The following SOD2 variants were observed in gnomAD, a reference collection of about 807,000 sequenced individuals.
The protein encoded by SOD2 is superoxide dismutase 2, also known as superoxide dismutase [Mn], mitochondrial.
SOD2 carries 11 observed loss-of-function variants against 27.0 expected under a neutral mutation model. The observed-to-expected ratio is 0.41, with a 90% CI of 0.26 to 0.67. The LOEUF (loss-of-function observed/expected upper bound fraction) is 0.67, where lower values mean the gene tolerates loss of function less well. Ranked by LOEUF, SOD2 falls within the 30% of genes least tolerant of loss-of-function variation. The pLI, the probability that SOD2 is intolerant of heterozygous loss-of-function variation, is 0.34. For synonymous variants in SOD2, 105 were observed against 103.0 expected (o/e 1.02, Z -0.12); for missense variants, 250 against 274.5 (o/e 0.91, Z 0.63).
chr6:159,754,384 TA>T lies in SOD2; in HGVS notation c.-335-5709del, dbSNP rs1489586556. ...CACTATCCTTAAGGATCAGACTTGC[TA>T]TGGAACTAAGGCACTGGATCAGGAA... On this transcript the variant is annotated intron_variant, in intron 1 of 7. Coordinates refer to the SOD2 transcript ENST00000546087. 5.9e-5 allele frequency among the ~76,000 whole-genome samples: 9 copies of T among 152,174 alleles called. No homozygotes were observed. In the East Asian group the frequency reaches 7.7e-4, roughly 13 times the overall value.
upstream of SOD2, among the ~76,000 whole-genome samples, chr6:159,728,125 A>T (rs774636802): frequency 4.6e-5 from 7 of 152,246 alleles, no homozygotes; most frequent in Admixed American, 4.6e-4. Flanking sequence ...CCTACATTTC[A>T]TGTCACGCAG....
exon 1 of SOD2, chr6:159,727,168 G>C (rs1778220806): frequency 1.7e-6 from 2 of 1,200,580 alleles, no homozygotes; most frequent in African/African-American, 3.2e-5. Context: ...GCTCGCGCCA[G>C]GCTCCTGGGA....
chr6:159,716,821 A>G (rs1308494463), intron 1 of SOD2, among the ~76,000 whole-genome samples: 3 of 151,396 alleles, frequency 2.0e-5, no homozygotes, highest in African/African-American at 7.2e-5. Flanking sequence ...TTCCAGTAGC[A>G]CACTTGTTGA....
intron 1 of SOD2, among the ~76,000 whole-genome samples, chr6:159,716,410 G>A (rs1414379307): frequency 6.6e-6 from 1 of 152,162 alleles, no homozygotes; most frequent in Non-Finnish European, 1.5e-5. Context: ...ATAGGTGCAA[G>A]CAGCACAGCC....
At chr6:159,748,211 G>A (rs1289335531), upstream of SOD2, 1 of 1,613,948 alleles carries the variant, frequency 6.2e-7, no homozygotes, top group Non-Finnish European at 8.5e-7. The surrounding 1 kb of genome is among the most constrained non-coding windows in gnomAD (Gnocchi z 5.6). Context: ...AGTACCTCAA[G>A]CAAGTCCAGC....
chr6:159,707,800 C>A (rs1213326063), intron 1 of SOD2, among the ~76,000 whole-genome samples: 9 of 152,118 alleles, frequency 5.9e-5, no homozygotes, highest in Non-Finnish European at 1.3e-4. Flanking sequence ...CAAAGCCTGG[C>A]AGAGACACAA....
chr6:159,688,135 C>T lies in SOD2; in HGVS notation c.334G>A (p.Glu112Lys). 1 of 1,598,896 alleles carries T rather than the reference C, an allele frequency of 6.3e-7. No homozygotes were observed. Among genetic ancestry groups the T allele is most frequent in the Non-Finnish European group, 8.6e-7 (1 of 1,166,114 alleles). ...ACCAATATATACCAACCTTTGGGTTCTCCACCACCGTTAGGGCTGAGGTTT... is the reference window on the plus strand; with the variant it reads ...ACCAATATATACCAACCTTTGGGTTTTCCACCACCGTTAGGGCTGAGGTTT... ...WTNLSPNGGGEPKGELLEAIK... is the reference protein window; with the variant it reads ...WTNLSPNGGGKPKGELLEAIK... The change falls in exon 3 of 5, where the codon GAA becomes AAA. Residue 112 changes from glutamate to lysine, a missense_variant. Physicochemically the swap from Glu to Lys is moderately conservative, Grantham distance 56. Coordinates refer to ENST00000538183, the MANE Select transcript of SOD2 (RefSeq NM_000636.4).
At position 159,761,425 on chromosome 6, in the gene SOD2, C is replaced by G. The variant is rs1780121398; in HGVS notation, c.-724G>C. 4 of 427,282 alleles carry G rather than the reference C, an allele frequency of 9.4e-6. No homozygotes were observed. The Admixed American group carries it at 1.1e-4, about 12-fold the overall frequency. 26.5% of individuals were successfully genotyped at this position (427,282 alleles called of 1,614,324 possible). A position where few individuals can be genotyped will look rare whatever the true frequency, so the allele number is the denominator to read the frequency against. On this transcript the variant is annotated 5_prime_UTR_variant, in exon 1 of 8. Transcript: ENST00000546087. ...CTAAGACGCTCCCGGCGTCCTCACC[C>G]GTTCACAGCCAGAGTTGATCTTAGA...
intron 1 of SOD2, among the ~76,000 whole-genome samples, chr6:159,744,456 T>C (rs1055381718): frequency 6.6e-6 from 1 of 152,204 alleles, no homozygotes; most frequent in African/African-American, 2.4e-5. Context: ...AGAAGTCTTC[T>C]TATGTGTTAT....
chr6:159,751,097 A>AT (rs1314129152), intron 1 of SOD2, among the ~76,000 whole-genome samples: 1 of 152,130 alleles, frequency 6.6e-6, no homozygotes, highest in African/African-American at 2.4e-5. Context: ...GAATGGGTTG[A>AT]TTTTTTTGTT....
At position 159,680,258 on chromosome 6, in the gene SOD2, T is replaced by C. The variant is rs1779888506; in HGVS notation, c.*2235A>G. ...GCTCATCTTTCAAAAGGTTCCACCT[T>C]GCCCGTCTATTTAAACAGTCACGAC... On this transcript the variant is annotated 3_prime_UTR_variant, in exon 5 of 5. Transcript: ENST00000538183. The C allele has an allele frequency of 6.6e-6, 1 of 152,214 alleles. No individual in the cohort carries two copies. The highest frequency in any genetic ancestry group is 1.5e-5 in the Non-Finnish European group (1 of 68,034). 9.4% of individuals were successfully genotyped at this position (152,214 alleles called of 1,614,324 possible). A position where few individuals can be genotyped will look rare whatever the true frequency, so the allele number is the denominator to read the frequency against.
chr6:159,707,144 T>C (rs1777642605), intron 1 of SOD2, among the ~76,000 whole-genome samples: 1 of 152,020 alleles, frequency 6.6e-6, no homozygotes, highest in African/African-American at 2.4e-5. Flanking sequence ...TTTATAGCAC[T>C]AAATGCCCAC....
At chr6:159,742,227 A>C in intron 1 of SOD2, 1 of 1,224,292 alleles carries the variant, frequency 8.2e-7, no homozygotes, top group Non-Finnish European at 1.2e-6. Context: ...GTTTTTATTA[A>C]AGCAAATGTA....
chr6:159,740,623 G>C (rs1779194097), intron 1 of SOD2, among the ~76,000 whole-genome samples: 1 of 151,798 alleles, frequency 6.6e-6, no homozygotes, highest in African/African-American at 2.4e-5. Context: ...TAAAAATAAA[G>C]CATGGCCTTG....
intron 1 of SOD2, 105 bp downstream of exon 1, chr6:159,693,040 G>T: frequency 6.8e-7 from 1 of 1,473,448 alleles, no homozygotes; most frequent in Non-Finnish European, 9.0e-7. Context: ...AGGTGCCCCG[G>T]TCCCGCCAGG....
At chr6:159,753,216 T>G in intron 1 of SOD2, 1 of 497,168 alleles carries the variant, frequency 2.0e-6, no homozygotes. Flanking sequence ...TGATTATTGA[T>G]GTAATAGAAA....
At position 159,692,791 on chromosome 6, in the gene SOD2, G is replaced by A. The variant is rs1322321316; in HGVS notation, c.96C>T (p.Pro32=). The A allele has an allele frequency of 1.2e-6, 2 of 1,614,002 alleles. No individual in the cohort carries two copies. Among genetic ancestry groups the A allele is most frequent in the East Asian group, 4.5e-5 (2 of 44,892 alleles). The stretch of plus-strand genomic sequence containing the variant: ...GAGGTTCCAGGGCGCCGTAGTCGTA[G>A]GGCAGGTCGGGGAGGCTGTGCTTCT... ...SRQKHSLPDL[P]YDYGALEPHI... The change falls in exon 2 of 5, where the codon CCC becomes CCT. Residue 32 remains proline, a synonymous_variant. Transcript: ENST00000538183.
At chr6:159,693,821 C>T (rs1777359860), upstream of SOD2, among the ~76,000 whole-genome samples, 1 of 152,238 alleles carries the variant, frequency 6.6e-6, no homozygotes, top group South Asian at 2.1e-4. Flanking sequence ...GTATTCAGTA[C>T]TCTTGCGCCG....
intron 1 of SOD2, among the ~76,000 whole-genome samples, chr6:159,701,906 G>A (rs927305943): frequency 2.6e-5 from 4 of 152,122 alleles, no homozygotes; most frequent in African/African-American, 4.8e-5. Context: ...CACCCACCCC[G>A]TCAGCCCAAG....
Sources: gnomAD v4.1 joint callset for allele counts (sites outside exome capture counted in the v4.1 genomes callset) on GRCh38, gnomAD v4.1.1 for gene constraint, Gnocchi (gnomAD v3.1) non-coding constraint, MANE v1.5 for transcripts, NCBI Gene and HGNC (gene_info 2026-07-23, HGNC 2026-07-21) for gene names.